Variants in CTNND2 observed in about 807,000 individuals in gnomAD.
The protein encoded by CTNND2 is catenin delta-2.
CTNND2 carries 22 observed loss-of-function variants against 144.4 expected under a neutral mutation model. That is an observed-to-expected ratio of 0.15 (90% CI 0.11 to 0.22). CTNND2 has a LOEUF of 0.22. Among genes scored for constraint, CTNND2 ranks in the 10% least tolerant of loss-of-function variants. The pLI is 1.00. For missense variants in CTNND2, 1,353 were observed against 1,618.8 expected (o/e 0.84, Z 2.82); for synonymous variants, 751 against 695.6 (o/e 1.08, Z -1.25).
At chr5:11,208,820 G>A (rs1018296818) in intron 10 of CTNND2, among the ~76,000 whole-genome samples, 1 of 152,136 alleles carries the variant, frequency 6.6e-6, no homozygotes, top group Admixed American at 6.5e-5. Flanking sequence ...CGGGTGGAAA[G>A]AACTAAACAA....
intron 3 of CTNND2, among the ~76,000 whole-genome samples, chr5:11,554,444 A>T (rs893676054): frequency 1.3e-5 from 2 of 152,178 alleles, no homozygotes; most frequent in African/African-American, 2.4e-5. Context: ...GTGCTTGGGG[A>T]GTACAGATGC....
intron 16 of CTNND2, among the ~76,000 whole-genome samples, chr5:11,048,944 CAGCAGCTCTGGCCTCCACCCACT>C (rs1230372976): frequency 6.6e-6 from 1 of 152,206 alleles, no homozygotes; most frequent in African/African-American, 2.4e-5. Flanking sequence ...GGACAGACAG[CAGCAGCTCTGGCCTCCACCCACT>C]AGGTGCCAGT....
chr5:11,889,487 T>C (rs1736804738), intron 1 of CTNND2, among the ~76,000 whole-genome samples: 1 of 152,210 alleles, frequency 6.6e-6, no homozygotes, highest in Non-Finnish European at 1.5e-5. Flanking sequence ...AAATACTCGT[T>C]AGGCCAAAGG....
chr5:11,777,209 T>C (rs1245084992), intron 1 of CTNND2, among the ~76,000 whole-genome samples: 1 of 152,210 alleles, frequency 6.6e-6, no homozygotes, highest in African/African-American at 2.4e-5. Context: ...TCTCTTGGCA[T>C]GTAAATTTGC....
At chr5:11,128,201 C>G (rs1296357304) in intron 12 of CTNND2, among the ~76,000 whole-genome samples, 1 of 151,932 alleles carries the variant, frequency 6.6e-6, no homozygotes, top group Admixed American at 6.6e-5. Flanking sequence ...GGTTCAGCTC[C>G]CAGCTGCTAG....
intron 16 of CTNND2, among the ~76,000 whole-genome samples, chr5:11,075,011 G>A (rs183354104): frequency 1.3e-5 from 2 of 151,932 alleles, no homozygotes; most frequent in East Asian, 3.9e-4. Flanking sequence ...ATCCATGTGG[G>A]GAAAGGAATA....
chr5:11,690,916 C>A (rs1784880368), intron 2 of CTNND2, among the ~76,000 whole-genome samples: 1 of 152,112 alleles, frequency 6.6e-6, no homozygotes, highest in East Asian at 1.9e-4. Flanking sequence ...AGCATATTAA[C>A]CTGAAAACAC....
chr5:11,521,701 T>TTGG (rs1435958830), intron 3 of CTNND2, among the ~76,000 whole-genome samples: 2 of 152,234 alleles, frequency 1.3e-5, no homozygotes, highest in African/African-American at 4.8e-5. Flanking sequence ...ATTATCTTCT[T>TTGG]TGGTAGCTTT....
chr5:11,331,882 T>C (rs1022881092), intron 9 of CTNND2, among the ~76,000 whole-genome samples: 1 of 152,172 alleles, frequency 6.6e-6, no homozygotes, highest in African/African-American at 2.4e-5. Context: ...GTTAACAATA[T>C]TATATGGTAT....
At chr5:11,121,025 T>C (rs1196034818) in intron 12 of CTNND2, among the ~76,000 whole-genome samples, 1 of 152,196 alleles carries the variant, frequency 6.6e-6, no homozygotes, top group Non-Finnish European at 1.5e-5. Context: ...AATTTCAGCT[T>C]TTTATTGTTG....
intron 1 of CTNND2, among the ~76,000 whole-genome samples, chr5:11,864,445 C>G (rs1286518259): frequency 6.6e-6 from 1 of 152,136 alleles, no homozygotes; most frequent in Non-Finnish European, 1.5e-5. Flanking sequence ...ATCTTACAAC[C>G]AAAGGGAGTT....
chr5:11,858,352 T>C (rs1296507214), intron 1 of CTNND2, among the ~76,000 whole-genome samples: 2 of 152,134 alleles, frequency 1.3e-5, no homozygotes, highest in African/African-American at 2.4e-5. Context: ...ATCCAGTTGA[T>C]AGGAATGGGG....
chr5:11,008,544 A>G (rs1310761836), intron 18 of CTNND2, among the ~76,000 whole-genome samples: 2 of 152,144 alleles, frequency 1.3e-5, no homozygotes, highest in African/African-American at 4.8e-5. Flanking sequence ...AATACTGATG[A>G]TAAGGTAGTA....
chr5:11,745,224 A>G (rs1425238458), intron 1 of CTNND2, among the ~76,000 whole-genome samples: 1 of 152,202 alleles, frequency 6.6e-6, no homozygotes, highest in Non-Finnish European at 1.5e-5. Context: ...AGTGTGGCAC[A>G]TACATTGTTG....
At chr5:11,485,374 T>C (rs376864) in intron 3 of CTNND2, among the ~76,000 whole-genome samples, 9,355 of 140,438 alleles carry the variant, frequency 0.067, 451 homozygotes, top group Admixed American at 0.16. Flanking sequence ...TGTGTGTGTG[T>C]GCGCGCGCGC....
At chr5:11,094,482 T>G (rs943451719) in intron 15 of CTNND2, among the ~76,000 whole-genome samples, 1 of 101,324 alleles carries the variant, frequency 9.9e-6, no homozygotes, top group Middle Eastern at 5.8e-3. Flanking sequence ...AGTTCTTGCT[T>G]TTTTTTTTTT....
At chr5:11,124,577 G>C (rs1407936747) in intron 12 of CTNND2, among the ~76,000 whole-genome samples, 3 of 152,136 alleles carry the variant, frequency 2.0e-5, no homozygotes, top group Non-Finnish European at 4.4e-5. Flanking sequence ...GGCTTTGCGG[G>C]CCACACAGGG....
chr5:11,570,795 T>C (rs1370126751), intron 2 of CTNND2, among the ~76,000 whole-genome samples: 2 of 152,168 alleles, frequency 1.3e-5, no homozygotes, highest in Admixed American at 1.3e-4. Context: ...ACCTATTGTT[T>C]ATTCTAAGCA....
intron 3 of CTNND2, among the ~76,000 whole-genome samples, chr5:11,547,469 A>C (rs1410910653): frequency 6.6e-6 from 1 of 152,110 alleles, no homozygotes; most frequent in Non-Finnish European, 1.5e-5. Context: ...ATCAAAGGAC[A>C]CTACAGTGAA....
Sources: gnomAD v4.1 joint callset for allele counts (sites outside exome capture counted in the v4.1 genomes callset) on GRCh38, gnomAD v4.1.1 for gene constraint, MANE v1.5 for transcripts, NCBI Gene and HGNC (gene_info 2026-07-23, HGNC 2026-07-21) for gene names.